FGD6: variants seen among roughly 807,000 people sequenced by gnomAD.
The protein encoded by FGD6 is FYVE, RhoGEF and PH domain containing 6.
FGD6 carries 90 observed loss-of-function variants against 149.4 expected under a neutral mutation model. The ratio of observed to expected loss-of-function variants is 0.60; its 90% CI spans 0.51 to 0.72. FGD6 has a LOEUF of 0.72. Ranked by LOEUF, FGD6 falls within the 30% of genes least tolerant of loss-of-function variation. FGD6 has a pLI of 0.00. For missense variants in FGD6, 1,437 were observed against 1,684.8 expected, an observed-to-expected ratio of 0.85 and a Z score of 2.57; for synonymous variants, 527 against 584.0, an observed-to-expected ratio of 0.90 and a Z score of 1.41.
chr12:95,158,082 G>A (rs967652337), intron 3 of FGD6, among the ~76,000 whole-genome samples: 7 of 151,052 alleles, frequency 4.6e-5, no homozygotes, highest in South Asian at 2.1e-4. Context: ...TCCTGACCTC[G>A]TGATCCACCT....
intron 1 of FGD6, among the ~76,000 whole-genome samples, chr12:95,214,310 T>A (rs2056741764): frequency 6.6e-6 from 1 of 152,232 alleles, no homozygotes; most frequent in Non-Finnish European, 1.5e-5. Context: ...TAATGTAGAA[T>A]AATATTTTGA....
chr12:95,108,426 A>G lies in FGD6; in HGVS notation c.3193-7T>C. 1 of 1,614,042 alleles carries G rather than the reference A, an allele frequency of 6.2e-7. No homozygotes were observed. Among genetic ancestry groups the G allele is most frequent in the South Asian group, 1.1e-5 (1 of 91,062 alleles). The stretch of plus-strand genomic sequence containing the variant: ...TAAGTTTCTGAAAGTTGTCCTACAG[A>G]AAGACAATGGAAAGCATATGAAGGC... On this transcript the variant is annotated splice_region_variant and splice_polypyrimidine_tract_variant and intron_variant, in intron 10 of 20. Coordinates refer to ENST00000343958, the MANE Select transcript of FGD6 (RefSeq NM_018351.4).
Position 95,108,130 on chromosome 12 carries a change from G to A in FGD6, c.3264+218C>T, listed in dbSNP as rs191140181. On this transcript the variant is annotated intron_variant, in intron 11 of 20. Transcript: ENST00000343958. ...CAGATACTCTGTGGGGTCCCTTGCC[G>A]CTCCCCTAATTGAACTGGACTTACT... Among the ~76,000 whole-genome samples, 1,493 of 152,200 alleles carry A rather than the reference G, an allele frequency of 9.8e-3. 93 individuals are homozygous for A. Among genetic ancestry groups the A allele is most frequent in the Admixed American group, 0.092 (1,402 of 15,276 alleles).
chr12:95,190,228 G>T (rs1377999285), intron 2 of FGD6, among the ~76,000 whole-genome samples: 1 of 152,170 alleles, frequency 6.6e-6, no homozygotes, highest in East Asian at 1.9e-4. Flanking sequence ...GGAGTGCAAT[G>T]GCACAATCTC....
intron 8 of FGD6, among the ~76,000 whole-genome samples, chr12:95,121,165 T>G (rs10735328): frequency 6.6e-6 from 1 of 151,712 alleles, no homozygotes; most frequent in Non-Finnish European, 1.5e-5. Context: ...ACAGGCTGGC[T>G]GCTGTGGCTC....
intron 8 of FGD6, chr12:95,126,240 A>G: frequency 1.6e-6 from 2 of 1,281,940 alleles, no homozygotes; most frequent in Non-Finnish European, 2.2e-6. Flanking sequence ...AGCAAAAAAG[A>G]TGACCGCTGT....
chr12:95,187,519 G>A (rs1429232687), intron 2 of FGD6, among the ~76,000 whole-genome samples: 4 of 151,902 alleles, frequency 2.6e-5, no homozygotes, highest in Non-Finnish European at 5.9e-5. Context: ...CAGGCATGGT[G>A]GCATGCATCT....
intron 15 of FGD6, 68 bp downstream of exon 15, chr12:95,094,524 C>G (rs1878176480): frequency 2.9e-6 from 3 of 1,038,676 alleles, no homozygotes; most frequent in Non-Finnish European, 4.4e-6. Flanking sequence ...TTCTTAAACC[C>G]CTGTGAAATG....
intron 2 of FGD6, among the ~76,000 whole-genome samples, chr12:95,174,515 A>G (rs977425832): frequency 2.0e-5 from 3 of 152,138 alleles, no homozygotes; most frequent in African/African-American, 7.2e-5. Flanking sequence ...ATCCCAGTCT[A>G]TGTGTGAGAA....
intron 15 of FGD6, among the ~76,000 whole-genome samples, chr12:95,093,815 C>T (rs1291973468): frequency 6.6e-6 from 1 of 151,032 alleles, no homozygotes; most frequent in Admixed American, 6.6e-5. Context: ...CACCACTGCA[C>T]TCCAGCCTGG....
At chr12:95,147,916 C>T (rs954864763) in intron 5 of FGD6, among the ~76,000 whole-genome samples, 1 of 152,122 alleles carries the variant, frequency 6.6e-6, no homozygotes, top group Non-Finnish European at 1.5e-5. Context: ...CCACAAGTCA[C>T]CTTCCCTCCC....
intron 14 of FGD6, among the ~76,000 whole-genome samples, chr12:95,097,147 A>T (rs771194642): frequency 5.9e-5 from 9 of 152,214 alleles, no homozygotes; most frequent in Non-Finnish European, 1.2e-4. Flanking sequence ...CAGACCACAC[A>T]CATTTGCCCG....
intron 14 of FGD6, among the ~76,000 whole-genome samples, chr12:95,101,710 G>C (rs1878443161): frequency 2.4e-5 from 3 of 127,420 alleles, no homozygotes; most frequent in South Asian, 5.0e-4. Context: ...TTGAGATGGA[G>C]CCTCACTCTG....
chr12:95,107,856 T>C (rs974259215), intron 11 of FGD6, among the ~76,000 whole-genome samples: 4 of 152,294 alleles, frequency 2.6e-5, no homozygotes, highest in Admixed American at 1.3e-4. Flanking sequence ...CCTGGGATAC[T>C]GTATGGAGGC....
chr12:95,181,670 C>G (rs1374753066), intron 2 of FGD6, among the ~76,000 whole-genome samples: 3 of 149,978 alleles, frequency 2.0e-5, no homozygotes, highest in Admixed American at 1.3e-4. Context: ...ATGGCAAGTT[C>G]CAGTTGGGCA....
intron 9 of FGD6, among the ~76,000 whole-genome samples, chr12:95,110,166 C>T (rs1378766896): frequency 1.3e-4 from 20 of 151,822 alleles, no homozygotes; most frequent in South Asian, 2.1e-4. Flanking sequence ...TTAGTAGAGA[C>T]GGGGTTTCAC....
intron 2 of FGD6, among the ~76,000 whole-genome samples, chr12:95,183,094 A>G (rs1342619724): frequency 6.6e-6 from 1 of 152,250 alleles, no homozygotes; most frequent in Non-Finnish European, 1.5e-5. Flanking sequence ...TTAAGGCCCA[A>G]TATTATGCTC....
intron 14 of FGD6, among the ~76,000 whole-genome samples, chr12:95,102,467 A>C (rs1261344600): frequency 2.2e-4 from 30 of 137,120 alleles, no homozygotes; most frequent in African/African-American, 5.8e-4. Context: ...AAAAAAAAAA[A>C]CACAACAACA....
intron 5 of FGD6, among the ~76,000 whole-genome samples, chr12:95,146,662 G>C (rs1196095531): frequency 6.6e-6 from 1 of 152,126 alleles, no homozygotes; most frequent in Non-Finnish European, 1.5e-5. Flanking sequence ...CTACACTGTA[G>C]TTTCTGGTCA....
Sources: allele counts gnomAD v4.1 joint callset (sites outside exome capture counted in the v4.1 genomes callset), GRCh38; gene constraint gnomAD v4.1.1; transcripts MANE v1.5; gene names NCBI Gene and HGNC (gene_info 2026-07-23, HGNC 2026-07-21).